NAV2: variants seen among roughly 807,000 people sequenced by gnomAD.
NAV2 encodes helicase, APC down-regulated 1.
A neutral mutation model predicts 223.2 loss-of-function variants in NAV2; 54 were observed. The ratio of observed to expected loss-of-function variants is 0.24; its 90% CI spans 0.19 to 0.30. The LOEUF is 0.30. Ranked by LOEUF, NAV2 falls within the 10% of genes least tolerant of loss-of-function variation. The probability of loss-of-function intolerance (pLI) is 1.00; values close to 1 mark genes in which losing one functional copy is unlikely to be tolerated. For synonymous variants in NAV2, 1,279 were observed against 1,239.3 expected (o/e 1.03, Z -0.67); for missense variants, 2,806 against 3,147.5 (o/e 0.89, Z 2.60).
intron 1 of NAV2, among the ~76,000 whole-genome samples, chr11:19,620,526 T>C (rs1262968749): frequency 6.6e-6 from 1 of 152,210 alleles, no homozygotes; most frequent in African/African-American, 2.4e-5. Context: ...GAAGCAATTG[T>C]GAATGGGCAT....
At chr11:19,887,982 G>A (rs1052395352) in intron 5 of NAV2, among the ~76,000 whole-genome samples, 15 of 151,156 alleles carry the variant, frequency 9.9e-5, no homozygotes, top group Non-Finnish European at 1.6e-4. Context: ...CGTACATCGC[G>A]TGGAACAGAG....
chr11:19,586,957 C>T lies in NAV2; in HGVS notation c.75+235930C>T, dbSNP rs977708138. ...GAGGTTTCTGCTGCCTTTTGTTTGG[C>T]TATGCCCTGCCCCCAGAGGTGGAGT... On this transcript the variant is annotated intron_variant, in intron 1 of 37. Coordinates refer to the NAV2 transcript ENST00000360655. 3.9e-5 allele frequency among the ~76,000 whole-genome samples: 6 copies of T among 152,260 alleles called. No homozygotes were observed. The South Asian group carries it at 8.3e-4, about 21-fold the overall frequency.
At chr11:19,620,545 G>T (rs932972741) in intron 1 of NAV2, among the ~76,000 whole-genome samples, 26 of 152,254 alleles carry the variant, frequency 1.7e-4, no homozygotes, top group African/African-American at 6.3e-4. Flanking sequence ...ATTCACTCAT[G>T]ATTTGGCCCT....
chr11:19,616,758 C>T (rs532015639), intron 1 of NAV2, among the ~76,000 whole-genome samples: 24 of 152,156 alleles, frequency 1.6e-4, no homozygotes, highest in Middle Eastern at 6.8e-3. Context: ...AACCCCAGCC[C>T]TATCAAGATG....
chr11:19,435,101 A>G (rs775785930), intron 1 of NAV2, among the ~76,000 whole-genome samples: 7 of 152,172 alleles, frequency 4.6e-5, no homozygotes, highest in Non-Finnish European at 1.0e-4. Context: ...TGGTGAAAAC[A>G]TTTAAAATCC....
intron 1 of NAV2, among the ~76,000 whole-genome samples, chr11:19,521,826 C>T (rs1360085272): frequency 6.6e-6 from 1 of 152,194 alleles, no homozygotes; most frequent in Admixed American, 6.5e-5. Context: ...GACTGTCCCT[C>T]TGCATGGCTC....
intron 2 of NAV2, among the ~76,000 whole-genome samples, chr11:19,835,285 C>A (rs2060168510): frequency 6.6e-6 from 1 of 152,162 alleles, no homozygotes; most frequent in South Asian, 2.1e-4. Flanking sequence ...CCTAAACCCT[C>A]CACCCTCCAA....
chr11:19,779,476 A>T (rs1271391575), intron 1 of NAV2, among the ~76,000 whole-genome samples: 1 of 152,210 alleles, frequency 6.6e-6, no homozygotes, highest in African/African-American at 2.4e-5. Flanking sequence ...TTGATTGATC[A>T]ATTTACCCTT....
chr11:19,992,583 CTTTTTTTTT>C lies in NAV2; in HGVS notation c.2768+8350_2768+8358del, dbSNP rs780559920. ...AGAGTATAATCATGCTCCTGAAGTA[CTTTTTTTTT>C]TTTTTTTTTTTTTGAGATGGAGTCT... On this transcript the variant is annotated intron_variant, in intron 11 of 37. Coordinates refer to ENST00000349880, the MANE Select transcript of NAV2 (RefSeq NM_145117.5). Among the ~76,000 whole-genome samples, 574 of 103,552 alleles carry C rather than the reference CTTTTTTTTT, an allele frequency of 5.5e-3. 6 individuals carry two copies. Among genetic ancestry groups the C allele is most frequent in the African/African-American group, 0.02 (537 of 27,282 alleles). 67.9% of individuals were successfully genotyped at this position (103,552 alleles called of 152,430 possible). A position where few individuals can be genotyped will look rare whatever the true frequency, so the allele number is the denominator to read the frequency against.
rs1157410397 is a variant in NAV2, at chr11:19,791,270, C to T, written c.268-41214C>T. Among the ~76,000 whole-genome samples the T allele has an allele frequency of 3.3e-5, 5 of 152,288 alleles. No homozygotes were observed. In the East Asian group the frequency reaches 7.7e-4, roughly 24 times the overall value. ...CACCTTCCCAGGTTAACCATTACCA[C>T]CTCACCAGCTGCCAAATGGCAAGAG... On this transcript the variant is annotated intron_variant, in intron 1 of 37. Transcript: ENST00000349880.
At position 20,062,333 on chromosome 11, in the gene NAV2, T is replaced by C. The variant is rs1295196767; in HGVS notation, c.4858T>C (p.Ser1620Pro). 6.2e-7 allele frequency: 1 copy of C among 1,612,192 alleles called. No individual in the cohort carries two copies. The highest frequency in any genetic ancestry group is 8.5e-7 in the Non-Finnish European group (1 of 1,179,562). The change falls in exon 20 of 38, where the codon TCC (serine) becomes CCC (proline). Residue 1620 changes from serine (S) to proline (P), a missense_variant. Around this residue, in one of 4 missense-constraint regions of NAV2, gnomAD observed 824 missense variants for 1,069.4 expected, o/e 0.77. Coordinates refer to ENST00000349880, the MANE Select transcript of NAV2 (RefSeq NM_145117.5). ...TCATGGATCCTCACTCTCCTTGGTTTCCAGCACATCGTCAGTTTATTCTAC... is the reference window on the plus strand; with the variant it reads ...TCATGGATCCTCACTCTCCTTGGTTCCCAGCACATCGTCAGTTTATTCTAC... ...EVHGSSLSLV[S>P]STSSVYSTPE...
intron 1 of NAV2, among the ~76,000 whole-genome samples, chr11:19,431,464 A>G (rs1199970558): frequency 6.6e-6 from 1 of 152,194 alleles, no homozygotes; most frequent in Non-Finnish European, 1.5e-5. Flanking sequence ...CCCTGCCTCC[A>G]TGGTTTTCAA....
intron 10 of NAV2, among the ~76,000 whole-genome samples, chr11:19,964,836 T>TTTTTG (rs2048632275): frequency 2.3e-4 from 33 of 143,766 alleles, no homozygotes; most frequent in Non-Finnish European, 3.0e-4. Context: ...TTTTTTTTTT[T>TTTTTG]GAGATGGAGT....
intron 31 of NAV2, among the ~76,000 whole-genome samples, chr11:20,098,604 T>C (rs1177100766): frequency 6.6e-6 from 1 of 152,232 alleles, no homozygotes; most frequent in East Asian, 1.9e-4. Context: ...TCCTGGTTGG[T>C]AGAATTTCCA....
intron 1 of NAV2, among the ~76,000 whole-genome samples, chr11:19,781,544 G>A (rs1300344031): frequency 6.6e-6 from 1 of 151,990 alleles, no homozygotes; most frequent in African/African-American, 2.4e-5. Context: ...ATGTGCCCCT[G>A]ACCTTTGACC....
intron 1 of NAV2, among the ~76,000 whole-genome samples, chr11:19,406,087 G>A (rs912704241): frequency 6.6e-5 from 10 of 152,180 alleles, no homozygotes; most frequent in African/African-American, 9.7e-5. Context: ...TGGTAGGTAG[G>A]GAGAGGTGAA....
At chr11:19,388,157 G>T (rs1849113961) in intron 1 of NAV2, among the ~76,000 whole-genome samples, 1 of 152,174 alleles carries the variant, frequency 6.6e-6, no homozygotes, top group African/African-American at 2.4e-5. Flanking sequence ...GAAGGAACGG[G>T]GTCAAGGGAT....
chr11:19,696,390 A>C (rs965075836), intron 1 of NAV2, among the ~76,000 whole-genome samples: 1 of 152,224 alleles, frequency 6.6e-6, no homozygotes, highest in South Asian at 2.1e-4. Context: ...GTAAATGTCC[A>C]AACACTGACC....
chr11:19,361,909 T>C (rs545520730), intron 1 of NAV2, among the ~76,000 whole-genome samples: 1 of 152,258 alleles, frequency 6.6e-6, no homozygotes, highest in African/African-American at 2.4e-5. Context: ...CTGCTGGAGC[T>C]GGGTTAAGAG....
Sources: gnomAD v4.1 joint callset for allele counts (sites outside exome capture counted in the v4.1 genomes callset) on GRCh38, gnomAD v4.1.1 for gene constraint, gnomAD v4.1.1 regional missense constraint, MANE v1.5 for transcripts, NCBI Gene and HGNC (gene_info 2026-07-23, HGNC 2026-07-21) for gene names.